The following SPAG16 variants were observed in gnomAD, a reference collection of about 807,000 sequenced individuals.
SPAG16 encodes the protein sperm associated antigen 16.
In SPAG16, 86 loss-of-function variants were observed where a neutral mutation model predicts 80.4. That is an observed-to-expected ratio of 1.07 (90% CI 0.90 to 1.28). SPAG16 has a LOEUF of 1.28. Among genes scored for constraint, SPAG16 ranks in the 50% most tolerant of loss-of-function variants. SPAG16 has a pLI of 0.00. For missense variants in SPAG16, 870 were observed against 765.3 expected, an observed-to-expected ratio of 1.14 and a Z score of -1.61; for synonymous variants, 294 against 265.9, an observed-to-expected ratio of 1.11 and a Z score of -1.03.
At chr2:213,911,926 A>G (rs1430159512) in intron 11 of SPAG16, among the ~76,000 whole-genome samples, 2 of 152,112 alleles carry the variant, frequency 1.3e-5, no homozygotes, top group Non-Finnish European at 2.9e-5. Flanking sequence ...GAAGAGATGA[A>G]CACAATTTGA....
Position 213,741,567 on chromosome 2 carries a change from T to C in SPAG16, c.1071-120918T>C, listed in dbSNP as rs193287449. Reference sequence around the variant, plus strand: ...TTTAGTCAAAGTTATATTAATCAAGTACAGATAAAAGAAAGCAGAGATTAT... The same window carrying C: ...TTTAGTCAAAGTTATATTAATCAAGCACAGATAAAAGAAAGCAGAGATTAT... On this transcript the variant is annotated intron_variant, in intron 10 of 15. Transcript: ENST00000331683. Among the ~76,000 whole-genome samples, 513 of 152,274 alleles carry C rather than the reference T, an allele frequency of 3.4e-3. 4 individuals carry two copies. The highest frequency in any genetic ancestry group is 0.012 in the African/African-American group (496 of 41,566).
intron 15 of SPAG16, among the ~76,000 whole-genome samples, chr2:214,250,979 G>T (rs955313260): frequency 6.6e-6 from 1 of 150,994 alleles, no homozygotes; most frequent in African/African-American, 2.4e-5. Flanking sequence ...AACTACCTTT[G>T]CCATTAAAAA....
At chr2:214,211,776 C>T (rs2125749932) in intron 15 of SPAG16, among the ~76,000 whole-genome samples, 1 of 152,276 alleles carries the variant, frequency 6.6e-6, no homozygotes, top group South Asian at 2.1e-4. Context: ...GTCAAGTAAG[C>T]TTGCTCCATC....
intron 13 of SPAG16, among the ~76,000 whole-genome samples, chr2:214,057,097 C>T (rs963415760): frequency 7.9e-5 from 12 of 152,100 alleles, no homozygotes; most frequent in African/African-American, 2.9e-4. Context: ...GAATAAATTC[C>T]TTCCAAACTC....
intron 13 of SPAG16, among the ~76,000 whole-genome samples, chr2:214,015,290 T>C (rs538818059): frequency 6.6e-6 from 1 of 152,170 alleles, no homozygotes; most frequent in East Asian, 1.9e-4. Context: ...GATATCAGTA[T>C]TGAGGTCTTT....
At chr2:213,694,758 A>C (rs2065088872) in intron 10 of SPAG16, among the ~76,000 whole-genome samples, 1 of 136,314 alleles carries the variant, frequency 7.3e-6, no homozygotes, top group African/African-American at 2.7e-5. Flanking sequence ...TCCTTTCTTT[A>C]TCCTTCTCTT....
intron 9 of SPAG16, among the ~76,000 whole-genome samples, chr2:213,462,589 G>A (rs1353831218): frequency 2.0e-5 from 3 of 152,144 alleles, no homozygotes; most frequent in East Asian, 3.9e-4. Context: ...TCCCCATGCT[G>A]TTCTCTTAAT....
chr2:213,654,709 T>TC (rs1358006531), intron 10 of SPAG16, among the ~76,000 whole-genome samples: 1 of 145,898 alleles, frequency 6.9e-6, no homozygotes, highest in Non-Finnish European at 1.5e-5. Flanking sequence ...AGAGTGAGAC[T>TC]CCATCTCAAA....
chr2:213,826,618 T>C (rs558457534), intron 10 of SPAG16, among the ~76,000 whole-genome samples: 4 of 152,080 alleles, frequency 2.6e-5, no homozygotes, highest in Non-Finnish European at 4.4e-5. Context: ...TTAATATTAT[T>C]TCAACTTTTT....
chr2:214,392,310 C>T (rs1187518323), intron 15 of SPAG16, among the ~76,000 whole-genome samples: 2 of 152,074 alleles, frequency 1.3e-5, no homozygotes, highest in Admixed American at 6.5e-5. Context: ...CACCAGCCAC[C>T]ACACCTGGCT....
chr2:213,956,378 C>T (rs951323530), intron 12 of SPAG16, among the ~76,000 whole-genome samples: 4 of 149,622 alleles, frequency 2.7e-5, no homozygotes, highest in African/African-American at 9.9e-5. Context: ...TTAGTTTGTT[C>T]TTATAGTTCC....
chr2:213,362,456 G>T (rs4560058), intron 7 of SPAG16, among the ~76,000 whole-genome samples: 136,961 of 152,144 alleles, frequency 0.9, 63,402 homozygotes, highest in East Asian at 1. Context: ...AGAAATGCAA[G>T]GGAAATAGGG....
chr2:213,992,348 A>C (rs1559668266), intron 12 of SPAG16, among the ~76,000 whole-genome samples: 1 of 152,186 alleles, frequency 6.6e-6, no homozygotes, highest in Admixed American at 6.5e-5. Flanking sequence ...TGGTCGTCAC[A>C]GCTATAATGA....
At chr2:214,021,656 T>C (rs1348623628) in intron 13 of SPAG16, among the ~76,000 whole-genome samples, 1 of 152,102 alleles carries the variant, frequency 6.6e-6, no homozygotes, top group East Asian at 1.9e-4. Context: ...AACCAACTTA[T>C]AAATATGCAA....
intron 15 of SPAG16, among the ~76,000 whole-genome samples, chr2:214,346,088 G>C (rs562949749): frequency 6.6e-6 from 1 of 152,292 alleles, no homozygotes; most frequent in South Asian, 2.1e-4. Context: ...GAGTACGTGT[G>C]TATTCAGCTT....
chr2:213,767,182 G>A (rs991011569), intron 10 of SPAG16, among the ~76,000 whole-genome samples: 2 of 152,274 alleles, frequency 1.3e-5, no homozygotes, highest in African/African-American at 4.8e-5. Flanking sequence ...TGTTGGGCTT[G>A]TCTTTACCAT....
chr2:213,430,950 C>T (rs2070255631), intron 9 of SPAG16, among the ~76,000 whole-genome samples: 1 of 152,064 alleles, frequency 6.6e-6, no homozygotes, highest in African/African-American at 2.4e-5. Context: ...AAAAAACTGC[C>T]AACCCCAAAT....
chr2:213,630,989 G>C (rs1015308205), intron 10 of SPAG16, among the ~76,000 whole-genome samples: 1 of 152,174 alleles, frequency 6.6e-6, no homozygotes, highest in African/African-American at 2.4e-5. Flanking sequence ...AATCAGGGAA[G>C]GTTACTCTTA....
rs369757182 is a variant in SPAG16, at chr2:214,292,508, T to A, written c.1721-117632T>A. ...ATTTTTCATTTTCAGTATTTCTGAT[T>A]TTTTTTAAATAACTATTCGGAAAAT... On this transcript the variant is annotated intron_variant, in intron 15 of 15. Coordinates refer to ENST00000331683, the MANE Select transcript of SPAG16 (RefSeq NM_024532.5). Among the ~76,000 whole-genome samples, 11 of 152,272 alleles carry A rather than the reference T, an allele frequency of 7.2e-5. 1 individual carries two copies. The East Asian group carries it at 1.9e-3, about 27-fold the overall frequency.
Sources: allele counts gnomAD v4.1 joint callset (sites outside exome capture counted in the v4.1 genomes callset), GRCh38; gene constraint gnomAD v4.1.1; transcripts MANE v1.5; gene names NCBI Gene and HGNC (gene_info 2026-07-23, HGNC 2026-07-21).